Variants in CNTN2 observed in about 807,000 individuals in gnomAD.
The protein encoded by CNTN2 is contactin 2.
Under a neutral mutation model 117.5 loss-of-function variants are expected in CNTN2, and 53 were observed. That is an observed-to-expected ratio of 0.45 (90% CI 0.36 to 0.57). The LOEUF (loss-of-function observed/expected upper bound fraction) is 0.57, where lower values mean the gene tolerates loss of function less well. CNTN2 is among the 20% of genes least tolerant of loss of function. The pLI, the probability that CNTN2 is intolerant of heterozygous loss-of-function variation, is 0.00. For synonymous variants in CNTN2, 530 were observed against 561.7 expected (o/e 0.94, Z 0.80); for missense variants, 1,106 against 1,404.3 (o/e 0.79, Z 3.39).
chr1:205,062,260 G>A, intron 9 of CNTN2, 180 bp from the exon 10 acceptor site: 1 of 924,372 alleles, frequency 1.1e-6, no homozygotes, highest in Non-Finnish European at 1.6e-6. Flanking sequence ...CCAGCTTTGG[G>A]GAGGCCTGGG....
intron 19 of CNTN2, 47 bp from the exon 20 acceptor site, chr1:205,071,900 G>A (rs1445091552): frequency 1.3e-6 from 2 of 1,545,850 alleles, no homozygotes; most frequent in South Asian, 2.5e-5. Flanking sequence ...GCAGCCCTGA[G>A]ATCCTGGGCT....
Position 205,073,645 on chromosome 1 carries a change from G to C in CNTN2, c.3014-11G>C, listed in dbSNP as rs1439544356. The C allele has an allele frequency of 1.2e-6, 2 of 1,612,442 alleles. No homozygotes were observed. Among genetic ancestry groups the C allele is most frequent in the Non-Finnish European group, 1.7e-6 (2 of 1,179,578 alleles). On this transcript the variant is annotated splice_polypyrimidine_tract_variant and intron_variant, in intron 22 of 22. Coordinates refer to ENST00000331830, the MANE Select transcript of CNTN2 (RefSeq NM_005076.5). The surrounding 1 kb of genome is among the most constrained non-coding windows in gnomAD (Gnocchi z 6.3). The stretch of plus-strand genomic sequence containing the variant: ...CCCAGGCCCAGCTGACTCAGCTTGT[G>C]CTGGTTTCAGGCACAAGCATGATGG...
At position 205,058,229 on chromosome 1, in the gene CNTN2, C is replaced by T. The variant is rs1325010358; in HGVS notation, c.264C>T (p.His88=). The stretch of plus-strand genomic sequence containing the variant: ...TGAAGCTGGAGCCAGGTTCCCGTCA[C>T]CAGCTGGTGGGGGGCAACCTGGTCA... ...TEMKLEPGSR[H]QLVGGNLVIM... The change falls in exon 4 of 23, where the codon CAC becomes CAT. Residue 88 remains histidine (H), a synonymous_variant. Coordinates refer to ENST00000331830, the MANE Select transcript of CNTN2 (RefSeq NM_005076.5). This position sits in a 1 kb window ranked among gnomAD's most constrained non-coding sequence, Gnocchi z 4.3. 1 of 1,569,902 alleles carries T rather than the reference C, an allele frequency of 6.4e-7. No homozygotes were observed. The highest frequency in any genetic ancestry group is 1.8e-5 in the Admixed American group (1 of 54,526).
intron 1 of CNTN2, among the ~76,000 whole-genome samples, chr1:205,044,792 C>T (rs139316173): frequency 0.013 from 1,923 of 152,250 alleles, 32 homozygotes; most frequent in African/African-American, 0.044. Context: ...TGTGATCGCA[C>T]CTGGACAGGG....
rs2096446613 is a variant in CNTN2 at position 205,048,823 on chromosome 1, T to C, written c.-86-4277T>C. The stretch of plus-strand genomic sequence containing the variant: ...CCTGGCACATGGTCAATAAACACTG[T>C]GATGGAAATGGATGCAGGGCAAGAC... On this transcript the variant is annotated intron_variant, in intron 1 of 22. Coordinates refer to ENST00000331830, the MANE Select transcript of CNTN2 (RefSeq NM_005076.5). The surrounding 1 kb of genome is among the most constrained non-coding windows in gnomAD (Gnocchi z 4.1). Among the ~76,000 whole-genome samples the C allele has an allele frequency of 6.6e-6, 1 of 151,898 alleles. No homozygotes were observed. Among genetic ancestry groups the C allele is most frequent in the African/African-American group, 2.4e-5 (1 of 41,316 alleles).
chr1:205,073,599 C>T lies in CNTN2; in HGVS notation c.3014-57C>T. 1 of 1,511,366 alleles carries T rather than the reference C, an allele frequency of 6.6e-7. No individual in the cohort carries two copies. The highest frequency in any genetic ancestry group is 9.1e-7 in the Non-Finnish European group (1 of 1,099,408). 93.6% of individuals were successfully genotyped at this position (1,511,366 alleles called of 1,614,324 possible). ...CTTAGGAAAGGTCTCAATCTTGCCA[C>T]AAGGGTGGGGCTAGGGTAGTCCCAG... On this transcript the variant is annotated intron_variant, in intron 22 of 22. Transcript: ENST00000331830. This position sits in a 1 kb window ranked among gnomAD's most constrained non-coding sequence, Gnocchi z 6.3.
In CNTN2 at chr1:205,061,346, A is replaced by T. The variant is rs377424193; in HGVS notation, c.899A>T (p.Asp300Val). ...CAGATCCCCAGCGTCAGCTTTGAGGATGAGGGCACCTACGAGTGTGAGGCG... is the reference window on the plus strand; with the variant it reads ...CAGATCCCCAGCGTCAGCTTTGAGGTTGAGGGCACCTACGAGTGTGAGGCG... ...TLQIPSVSFE[D>V]EGTYECEAEN... The change falls in exon 8 of 23, where the codon GAT becomes GTT. Residue 300 changes from aspartate to valine, a missense_variant. Transcript: ENST00000331830. This position sits in a 1 kb window ranked among gnomAD's most constrained non-coding sequence, Gnocchi z 4.8. 9 of 1,613,988 alleles carry T rather than the reference A, an allele frequency of 5.6e-6. No individual in the cohort carries two copies. The highest frequency in any genetic ancestry group is 1.3e-5 in the African/African-American group (1 of 75,022).
chr1:205,059,936 T>C lies in CNTN2; in HGVS notation c.797+254T>C. 2.0e-6 allele frequency: 1 copy of C among 512,356 alleles called. No individual in the cohort carries two copies. The highest frequency in any genetic ancestry group is 3.5e-6 in the Non-Finnish European group (1 of 281,782). 31.7% of individuals were successfully genotyped at this position (512,356 alleles called of 1,614,324 possible). A position where few individuals can be genotyped will look rare whatever the true frequency, so the allele number is the denominator to read the frequency against. ...CAGTGCATGGCAGGCTCAGACAGCT[T>C]GAGTAACACCCAGGGCTGGAGGCAG... On this transcript the variant is annotated intron_variant, in intron 7 of 22. Transcript: ENST00000331830. The surrounding 1 kb of genome is among the most constrained non-coding windows in gnomAD (Gnocchi z 5.6).
rs768956453 is a variant in CNTN2, at chr1:205,057,922, T to A, written c.72T>A (p.Ala24=). ...ATCTGGTGGTGTCATCACCTGCAGC[T>A]TGGAGTTCAGCCCTGGGATCCCAAA... ...VAAVALVSSS[A]WSSALGSQTT... Residue 24 remains alanine (A), a splice_region_variant and synonymous_variant, in exon 3 of 23, where the codon GCT becomes GCA. Transcript: ENST00000331830. 6 of 1,613,398 alleles carry A rather than the reference T, an allele frequency of 3.7e-6. No homozygotes were observed. Among genetic ancestry groups the A allele is most frequent in the Non-Finnish European group, 5.1e-6 (6 of 1,179,566 alleles).
Position 205,075,402 on chromosome 1 carries a change from C to G in CNTN2, c.*1637C>G, listed in dbSNP as rs535227443. The G allele has an allele frequency of 1.3e-5, 2 of 152,868 alleles. No homozygotes were observed. Among genetic ancestry groups the G allele is most frequent in the South Asian group, 4.1e-4 (2 of 4,826 alleles). 9.5% of individuals were successfully genotyped at this position (152,868 alleles called of 1,614,324 possible). A position where few individuals can be genotyped will look rare whatever the true frequency, so the allele number is the denominator to read the frequency against. ...AGAGGCCAAAGCAAGAGCAGATTCCCTAGGCAAGAGCAGCAGCACAACTAG... is the reference window on the plus strand; with the variant it reads ...AGAGGCCAAAGCAAGAGCAGATTCCGTAGGCAAGAGCAGCAGCACAACTAG... On this transcript the variant is annotated 3_prime_UTR_variant, in exon 23 of 23. Transcript: ENST00000331830.
chr1:205,065,095 A>C lies in CNTN2; in HGVS notation c.1528A>C (p.Lys510Gln), dbSNP rs1454547146. The C allele has an allele frequency of 1.2e-6, 2 of 1,613,746 alleles. No homozygotes were observed. The highest frequency in any genetic ancestry group is 1.7e-6 in the Non-Finnish European group (2 of 1,179,956). The stretch of plus-strand genomic sequence containing the variant: ...CTTGTTTTTCTTGGCAGATGCAACC[A>C]AAATCACTCTAGCCCCCTCAAGTGC... ...TGILSVRDATKITLAPSSADI... is the reference protein window; with the variant it reads ...TGILSVRDATQITLAPSSADI... Residue 510 changes from lysine (K) to glutamine (Q), a missense_variant, in exon 13 of 23, where the codon AAA (lysine) becomes CAA (glutamine). Transcript: ENST00000331830. This position sits in a 1 kb window ranked among gnomAD's most constrained non-coding sequence, Gnocchi z 4.1.
Position 205,061,790 on chromosome 1 carries a change from T to C in CNTN2, c.974-75T>C. 1 of 1,475,216 alleles carries C rather than the reference T, an allele frequency of 6.8e-7. No homozygotes were observed. The highest frequency in any genetic ancestry group is 9.0e-7 in the Non-Finnish European group (1 of 1,109,870). 91.4% of individuals were successfully genotyped at this position (1,475,216 alleles called of 1,614,324 possible). A position where few individuals can be genotyped will look rare whatever the true frequency, so the allele number is the denominator to read the frequency against. On this transcript the variant is annotated intron_variant, in intron 8 of 22. Coordinates refer to ENST00000331830, the MANE Select transcript of CNTN2 (RefSeq NM_005076.5). This position sits in a 1 kb window ranked among gnomAD's most constrained non-coding sequence, Gnocchi z 4.8. Reference sequence around the variant, plus strand: ...CTGTCTGGCACAGGTGCTGCTGCCCTGATTTTCTGTTCCTTTTAATGAGCT... The same window carrying C: ...CTGTCTGGCACAGGTGCTGCTGCCCCGATTTTCTGTTCCTTTTAATGAGCT...
intron 1 of CNTN2, among the ~76,000 whole-genome samples, chr1:205,047,186 A>G (rs1401328016): frequency 6.6e-6 from 1 of 152,238 alleles, no homozygotes; most frequent in East Asian, 1.9e-4. Flanking sequence ...CCTGGTCCCC[A>G]TTGGGGCTGA....
intron 15 of CNTN2, 22 bp from the exon 16 acceptor site, chr1:205,067,079 T>G: frequency 6.3e-7 from 1 of 1,590,154 alleles, no homozygotes; most frequent in Non-Finnish European, 8.6e-7. Flanking sequence ...TGCTGGAATA[T>G]GGACTCCCTG....
rs1654241803 is a variant in CNTN2, at chr1:205,065,642, T to C, written c.1696-147T>C. ...AAGTGATGAGTCGTGATTCCTCCCATTGAGCAGACAGGAAAACTGAGATCC... is the reference window on the plus strand; with the variant it reads ...AAGTGATGAGTCGTGATTCCTCCCACTGAGCAGACAGGAAAACTGAGATCC... On this transcript the variant is annotated intron_variant, in intron 13 of 22. Transcript: ENST00000331830. This position sits in a 1 kb window ranked among gnomAD's most constrained non-coding sequence, Gnocchi z 4.1. 4 of 981,174 alleles carry C rather than the reference T, an allele frequency of 4.1e-6. No individual in the cohort carries two copies. The highest frequency in any genetic ancestry group is 4.9e-5 in the Admixed American group (2 of 40,504). The allele number at this position is 981,174 out of a possible 1,614,324, so 60.8% of individuals were successfully genotyped here.
rs530034658 is a variant in CNTN2, at chr1:205,074,731, A to G, written c.*966A>G. On this transcript the variant is annotated 3_prime_UTR_variant, in exon 23 of 23. Coordinates refer to ENST00000331830, the MANE Select transcript of CNTN2 (RefSeq NM_005076.5). Reference sequence around the variant, plus strand: ...CGGCCTCCCCGACCTGCAGCCCCAGACTCTGCTCTCCCAGCACTGACTCAC... The same window carrying G: ...CGGCCTCCCCGACCTGCAGCCCCAGGCTCTGCTCTCCCAGCACTGACTCAC... 72 of 398,362 alleles carry G rather than the reference A, an allele frequency of 1.8e-4. No homozygotes were observed. The highest frequency in any genetic ancestry group is 9.3e-4 in the Admixed American group (21 of 22,680). 24.7% of individuals were successfully genotyped at this position (398,362 alleles called of 1,614,324 possible). A position where few individuals can be genotyped will look rare whatever the true frequency, so the allele number is the denominator to read the frequency against.
At chr1:205,062,341 T>C in intron 9 of CNTN2, 99 bp from the exon 10 acceptor site, 4 of 1,435,354 alleles carry the variant, frequency 2.8e-6, no homozygotes, top group Non-Finnish European at 3.8e-6. Flanking sequence ...CTCTAGGGAT[T>C]ATCAGCCTAG....
At chr1:205,051,548 C>G (rs1171860892) in intron 1 of CNTN2, among the ~76,000 whole-genome samples, 3 of 152,122 alleles carry the variant, frequency 2.0e-5, no homozygotes, top group Admixed American at 2.0e-4. Context: ...CCTGGGCACC[C>G]TGCCTGTCAA....
In CNTN2 at chr1:205,058,170, C is replaced by T. The variant is rs749616996; in HGVS notation, c.216-11C>T. 6.3e-6 allele frequency: 10 copies of T among 1,590,238 alleles called. No individual in the cohort carries two copies. The highest frequency in any genetic ancestry group is 1.1e-5 in the South Asian group (1 of 87,140). On this transcript the variant is annotated splice_polypyrimidine_tract_variant and intron_variant, in intron 3 of 22. Transcript: ENST00000331830. This position sits in a 1 kb window ranked among gnomAD's most constrained non-coding sequence, Gnocchi z 4.3. ...GACTCAGAGGTCCCCTTCCTCTGTC[C>T]CCTGCTGCAGGTGGAAGATGAATGG...
Sources: allele counts gnomAD v4.1 joint callset (sites outside exome capture counted in the v4.1 genomes callset), GRCh38; gene constraint gnomAD v4.1.1; non-coding constraint Gnocchi (gnomAD v3.1); transcripts MANE v1.5; gene names NCBI Gene and HGNC (gene_info 2026-07-23, HGNC 2026-07-21).